The following MGA variants were observed in gnomAD, a reference collection of about 807,000 sequenced individuals.
The protein encoded by MGA is MAX gene-associated protein.
A neutral mutation model predicts 261.1 loss-of-function variants in MGA; 40 were observed. That is an observed-to-expected ratio of 0.15 (90% CI 0.12 to 0.20). The LOEUF (loss-of-function observed/expected upper bound fraction) is 0.20, where lower values mean the gene tolerates loss of function less well. Among genes scored for constraint, MGA ranks in the 10% least tolerant of loss-of-function variants. MGA has a pLI of 1.00. For missense variants in MGA, 3,397 were observed against 3,630.5 expected, an observed-to-expected ratio of 0.94 and a Z score of 1.65; for synonymous variants, 1,302 against 1,290.6, an observed-to-expected ratio of 1.01 and a Z score of -0.19.
intron 9 of MGA, 109 bp from the exon 10 acceptor site, chr15:41,727,071 T>G: frequency 1.3e-6 from 1 of 759,058 alleles, no homozygotes; most frequent in South Asian, 2.0e-5. Flanking sequence ...TTGATTATTT[T>G]AACGAGTTAC....
At position 41,761,154 on chromosome 15, in the gene MGA, G is replaced by A. The variant is rs531123604; in HGVS notation, c.7399-585G>A. ...GGTTAGCCATGTTGACCACATTCTC[G>A]TTACATTGGTGTTCTTGATAGCACT... On this transcript the variant is annotated intron_variant, in intron 20 of 23. Transcript: ENST00000219905. 4.2e-4 allele frequency among the ~76,000 whole-genome samples: 64 copies of A among 152,300 alleles called. No homozygotes were observed. The South Asian group carries it at 8.7e-3, about 21-fold the overall frequency.
In MGA at chr15:41,744,216, T is replaced by A. The variant is rs549606111; in HGVS notation, c.5212+1044T>A. On this transcript the variant is annotated intron_variant, in intron 15 of 23. Transcript: ENST00000219905. ...TGTGTGTGTGTATATATATATATAT[T>A]TTTTTGAGATGGAGTCTTGCTCTGT... Among the ~76,000 whole-genome samples the A allele has an allele frequency of 2.7e-4, 41 of 152,110 alleles. 1 individual carries two copies. Among genetic ancestry groups the A allele is most frequent in the South Asian group, 2.7e-3 (13 of 4,824 alleles).
chr15:41,764,285 G>A (rs1242997758), intron 22 of MGA, among the ~76,000 whole-genome samples: 5 of 133,614 alleles, frequency 3.7e-5, no homozygotes, highest in Middle Eastern at 4.1e-3. Flanking sequence ...ACGGAGTCTC[G>A]CTCTGTTGCC....
chr15:41,686,277 C>G (rs764733712), intron 2 of MGA, among the ~76,000 whole-genome samples: 1 of 152,046 alleles, frequency 6.6e-6, no homozygotes, highest in Non-Finnish European at 1.5e-5. Flanking sequence ...CTTTGGGAGG[C>G]CGAGGTAGGA....
rs1362238605 is a variant in MGA, at chr15:41,756,764, C to T, written c.7140-1024C>T. Among the ~76,000 whole-genome samples, 13 of 151,972 alleles carry T rather than the reference C, an allele frequency of 8.6e-5. No individual in the cohort carries two copies. In the East Asian group the frequency reaches 2.3e-3, roughly 27 times the overall value. On this transcript the variant is annotated intron_variant, in intron 18 of 23. Coordinates refer to ENST00000219905, the MANE Select transcript of MGA (RefSeq NM_001164273.2). ...TGTAATTTATTTGTACTTTTATTTT[C>T]GATATTTTTTGTAGAGACGGAGTCT... is the stretch of plus-strand genomic sequence containing the variant.
intron 2 of MGA, among the ~76,000 whole-genome samples, chr15:41,688,171 G>A (rs1291239775): frequency 6.6e-6 from 1 of 152,134 alleles, no homozygotes; most frequent in African/African-American, 2.4e-5. Flanking sequence ...TGCCTCCCGG[G>A]TTCAAGCGAT....
At chr15:41,654,619 C>A (rs1324235302) in intron 1 of MGA, among the ~76,000 whole-genome samples, 1 of 152,164 alleles carries the variant, frequency 6.6e-6, no homozygotes, top group Non-Finnish European at 1.5e-5. Context: ...ATTTTTCTCT[C>A]ATAGGCTTCT....
chr15:41,621,589 G>C (rs2056284383), intron 1 of MGA: 1 of 152,266 alleles, frequency 6.6e-6, no homozygotes, highest in Non-Finnish European at 1.5e-5. Flanking sequence ...GGCCCCGGCA[G>C]GTATGCGCAG....
intron 5 of MGA, among the ~76,000 whole-genome samples, chr15:41,701,557 G>A (rs1270377381): frequency 6.6e-6 from 1 of 152,160 alleles, no homozygotes; most frequent in Non-Finnish European, 1.5e-5. Flanking sequence ...CCTGAATTTG[G>A]GGGGTAGAGT....
At chr15:41,685,541 T>C (rs1163259544) in intron 2 of MGA, among the ~76,000 whole-genome samples, 1 of 152,218 alleles carries the variant, frequency 6.6e-6, no homozygotes, top group Non-Finnish European at 1.5e-5. Flanking sequence ...AGACTTGATA[T>C]CTTGACATCA....
chr15:41,726,892 G>C (rs2061281958), intron 9 of MGA, among the ~76,000 whole-genome samples: 1 of 152,022 alleles, frequency 6.6e-6, no homozygotes, highest in African/African-American at 2.4e-5. Context: ...TCCCCTACTG[G>C]ATTTTAAACT....
intron 1 of MGA, among the ~76,000 whole-genome samples, chr15:41,639,667 C>CTAG (rs1391014975): frequency 6.6e-6 from 1 of 152,116 alleles, no homozygotes; most frequent in Non-Finnish European, 1.5e-5. Flanking sequence ...GCCTCAGCCA[C>CTAG]TAGAGTAGCT....
At chr15:41,762,460 G>T (rs199686276) in intron 22 of MGA, 98 bp downstream of exon 22, 48 of 190,526 alleles carry the variant, frequency 2.5e-4, no homozygotes, top group African/African-American at 1.5e-3. Context: ...AGTTTTGTGT[G>T]GTTTTTTTTT....
At chr15:41,668,328 C>A in intron 1 of MGA, among the ~76,000 whole-genome samples, 1 of 152,038 alleles carries the variant, frequency 6.6e-6, no homozygotes. Flanking sequence ...ATTTATGGAA[C>A]CATGTCTTCT....
intron 1 of MGA, among the ~76,000 whole-genome samples, chr15:41,662,072 C>T (rs1298474006): frequency 6.6e-6 from 1 of 152,062 alleles, no homozygotes; most frequent in Non-Finnish European, 1.5e-5. Flanking sequence ...GCAGTGAGAC[C>T]GAGCCTTTTA....
intron 2 of MGA, among the ~76,000 whole-genome samples, chr15:41,680,602 A>G (rs187807376): frequency 2.1e-4 from 32 of 152,318 alleles, no homozygotes; most frequent in African/African-American, 7.5e-4. Flanking sequence ...AGAACTCAGG[A>G]AAACACTGTA....
chr15:41,628,547 G>A (rs1483583431), intron 1 of MGA, among the ~76,000 whole-genome samples: 2 of 152,062 alleles, frequency 1.3e-5, no homozygotes, highest in African/African-American at 4.8e-5. Context: ...AGAATTGGAA[G>A]TGGTGGGAAT....
At chr15:41,661,887 C>A (rs913157838) in intron 1 of MGA, among the ~76,000 whole-genome samples, 1 of 152,092 alleles carries the variant, frequency 6.6e-6, no homozygotes, top group Non-Finnish European at 1.5e-5. Context: ...GGCTGGGTCC[C>A]GCAGAGCGAT....
intron 2 of MGA, among the ~76,000 whole-genome samples, chr15:41,678,449 A>G (rs905365207): frequency 6.6e-6 from 1 of 150,708 alleles, no homozygotes; most frequent in Non-Finnish European, 1.5e-5. Flanking sequence ...GTGTGTATCC[A>G]GTTTCCCGTC....
Sources: gnomAD v4.1 joint callset for allele counts (sites outside exome capture counted in the v4.1 genomes callset) on GRCh38, gnomAD v4.1.1 for gene constraint, MANE v1.5 for transcripts, NCBI Gene and HGNC (gene_info 2026-07-23, HGNC 2026-07-21) for gene names.